TNRC6B: variants seen among roughly 807,000 people sequenced by gnomAD.
TNRC6B encodes the protein trinucleotide repeat containing adaptor 6B.
TNRC6B carries 52 observed loss-of-function variants against 203.6 expected under a neutral mutation model. That is an observed-to-expected ratio of 0.26 (90% CI 0.20 to 0.32). The LOEUF (loss-of-function observed/expected upper bound fraction) is 0.32, where lower values mean the gene tolerates loss of function less well. TNRC6B is among the 10% of genes least tolerant of loss of function. TNRC6B has a pLI of 1.00. For missense variants in TNRC6B, 1,923 were observed against 2,286.2 expected, an observed-to-expected ratio of 0.84 and a Z score of 3.24; for synonymous variants, 838 against 845.7, an observed-to-expected ratio of 0.99 and a Z score of 0.16.
chr22:40,225,458 G>A (rs1308208675), intron 1 of TNRC6B, among the ~76,000 whole-genome samples: 5 of 152,234 alleles, frequency 3.3e-5, no homozygotes, highest in Non-Finnish European at 7.3e-5. Context: ...GCCGGGTGCA[G>A]TGGCTCACGC....
At chr22:40,270,406 G>A in intron 6 of TNRC6B, 126 bp downstream of exon 6, 1 of 950,166 alleles carries the variant, frequency 1.1e-6, no homozygotes, top group South Asian at 3.9e-5. Flanking sequence ...TGCAACCTCT[G>A]CTTTCCAGCT....
At chr22:40,132,969 A>AAAAAAAAAAAAAAAT (rs1282694632) in intron 3 of TNRC6B, among the ~76,000 whole-genome samples, 1 of 78,174 alleles carries the variant, frequency 1.3e-5, no homozygotes, top group Non-Finnish European at 2.6e-5. Flanking sequence ...AAAAAAAAAA[A>AAAAAAAAAAAAAAAT]ATATATATAT....
intron 3 of TNRC6B, chr22:40,253,518 C>T: frequency 1.4e-5 from 6 of 431,742 alleles, no homozygotes; most frequent in Middle Eastern, 6.6e-4. Flanking sequence ...TTTTTTTTTC[C>T]AATTGGGGGC....
intron 11 of TNRC6B, among the ~76,000 whole-genome samples, chr22:40,283,404 G>A (rs2070742920): frequency 6.6e-6 from 1 of 152,062 alleles, no homozygotes; most frequent in African/African-American, 2.4e-5. Flanking sequence ...CGAACTCCTA[G>A]CCTCAGCCTC....
chr22:40,131,261 T>A (rs1239922748), intron 3 of TNRC6B, among the ~76,000 whole-genome samples: 1 of 152,134 alleles, frequency 6.6e-6, no homozygotes, highest in East Asian at 1.9e-4. Flanking sequence ...TTGCTGTTCC[T>A]CTTGAAGAGT....
At chr22:40,142,796 A>T (rs2068656309) in intron 3 of TNRC6B, among the ~76,000 whole-genome samples, 1 of 152,170 alleles carries the variant, frequency 6.6e-6, no homozygotes, top group Non-Finnish European at 1.5e-5. Context: ...AAAGTATAAG[A>T]CTTCACGATT....
At chr22:40,172,508 G>A (rs738449) in intron 4 of TNRC6B, among the ~76,000 whole-genome samples, 103,376 of 152,146 alleles carry the variant, frequency 0.68, 36,904 homozygotes, top group African/African-American at 0.91. Flanking sequence ...TTGGTGTAGT[G>A]TTGTTGGTGT....
At chr22:40,302,644 AAAAAAAAGAG>A (rs1209221184) in intron 15 of TNRC6B, among the ~76,000 whole-genome samples, 1 of 151,822 alleles carries the variant, frequency 6.6e-6, no homozygotes, top group Non-Finnish European at 1.5e-5. Flanking sequence ...AAAAAAAAAA[AAAAAAAAGAG>A]TTGGGAAGAC....
chr22:40,075,005 A>G (rs1434874449), intron 1 of TNRC6B, among the ~76,000 whole-genome samples: 1 of 151,614 alleles, frequency 6.6e-6, no homozygotes, highest in Non-Finnish European at 1.5e-5. Flanking sequence ...CAGTCCTTTG[A>G]GATCTGTCAT....
chr22:40,106,493 A>C, intron 1 of TNRC6B: 1 of 742,408 alleles, frequency 1.3e-6, no homozygotes, highest in Non-Finnish European at 2.5e-6. Flanking sequence ...AGATCTCATG[A>C]ATCAGATCCT....
intron 10 of TNRC6B, 70 bp downstream of exon 10, chr22:40,280,213 A>G (rs2070705894): frequency 6.8e-7 from 1 of 1,475,808 alleles, no homozygotes; most frequent in Non-Finnish European, 9.3e-7. Flanking sequence ...TCTTTTGATA[A>G]CTGATTCTAG....
chr22:40,303,275 C>T (rs1007349057), intron 15 of TNRC6B, among the ~76,000 whole-genome samples: 1 of 151,978 alleles, frequency 6.6e-6, no homozygotes, highest in Non-Finnish European at 1.5e-5. Flanking sequence ...ATCTGCCCAC[C>T]GTGGCCTCCC....
At chr22:40,285,569 TA>T in intron 11 of TNRC6B, 75 bp from the exon 12 acceptor site, 1 of 1,530,726 alleles carries the variant, frequency 6.5e-7, no homozygotes, top group South Asian at 1.2e-5. Flanking sequence ...CTGAGGGATC[TA>T]AAAGACCAGA....
chr22:40,115,393 A>G (rs7286169), intron 1 of TNRC6B, among the ~76,000 whole-genome samples: 3 of 152,252 alleles, frequency 2.0e-5, no homozygotes, highest in Non-Finnish European at 2.9e-5. Flanking sequence ...AGGGTCAGAC[A>G]TAACCACGTA....
At chr22:40,148,056 C>T (rs963822938) in intron 3 of TNRC6B, among the ~76,000 whole-genome samples, 2 of 151,968 alleles carry the variant, frequency 1.3e-5, no homozygotes, top group Non-Finnish European at 2.9e-5. Context: ...CTCAATAAAA[C>T]GATTTTTTAA....
Position 40,177,960 on chromosome 22 carries a change from G to A in TNRC6B, c.-176G>A. The A allele has an allele frequency of 5.6e-6, 8 of 1,436,754 alleles. No individual in the cohort carries two copies. The South Asian group carries it at 6.2e-5, about 11-fold the overall frequency. The allele number at this position is 1,436,754 out of a possible 1,614,324, so 89.0% of individuals were successfully genotyped here. Reference sequence around the variant, plus strand: ...AGGGAGAGAGAGAGCAAGAGGGAGAGTGTGTGAGAGAGAGTTAGTTCAAGC... The same window carrying A: ...AGGGAGAGAGAGAGCAAGAGGGAGAATGTGTGAGAGAGAGTTAGTTCAAGC... On this transcript the variant is annotated 5_prime_UTR_variant, in exon 1 of 23. It adds an upstream start codon to the 5' untranslated region. Transcript: ENST00000454349.
rs118184959 is a variant in TNRC6B, at chr22:40,095,671, G to A, written c.-120-21384G>A. On this transcript the variant is annotated intron_variant, in intron 1 of 23. Transcript: ENST00000301923. ...GCCTAACATTATCCTTTAAGTAACT[G>A]AGTTTACCACCTCATGCCATCTAGT... Among the ~76,000 whole-genome samples, 7 of 150,262 alleles carry A rather than the reference G, an allele frequency of 4.7e-5. No individual in the cohort carries two copies. In the East Asian group the frequency reaches 1.4e-3, roughly 29 times the overall value.
At chr22:40,261,367 A>G (rs994972916) in intron 3 of TNRC6B, among the ~76,000 whole-genome samples, 6 of 152,190 alleles carry the variant, frequency 3.9e-5, no homozygotes, top group Non-Finnish European at 5.9e-5. Flanking sequence ...TCATGAGGTC[A>G]GGAGTTCAAG....
intron 3 of TNRC6B, among the ~76,000 whole-genome samples, chr22:40,131,272 G>A (rs2068542835): frequency 6.6e-6 from 1 of 152,080 alleles, no homozygotes; most frequent in Non-Finnish European, 1.5e-5. Context: ...CTTGAAGAGT[G>A]CTCTCTGAAA....
Sources: gnomAD v4.1 joint callset for allele counts (sites outside exome capture counted in the v4.1 genomes callset) on GRCh38, gnomAD v4.1.1 for gene constraint, MANE v1.5 for transcripts, NCBI Gene and HGNC (gene_info 2026-07-23, HGNC 2026-07-21) for gene names.